MSH4: variants seen among roughly 807,000 people sequenced by gnomAD.
MSH4 encodes mutS protein homolog 4.
A neutral mutation model predicts 113.7 loss-of-function variants in MSH4; 106 were observed. That is an observed-to-expected ratio of 0.93 (90% CI 0.80 to 1.10). MSH4 has a LOEUF of 1.10. Among genes scored for constraint, MSH4 ranks in the 50% least tolerant of loss-of-function variants. MSH4 has a pLI of 0.00. For missense variants in MSH4, 1,061 were observed against 1,093.7 expected, an observed-to-expected ratio of 0.97 and a Z score of 0.42; for synonymous variants, 368 against 380.2, an observed-to-expected ratio of 0.97 and a Z score of 0.37.
At chr1:75,810,412 A>ATTTTTTTTTTTT (rs760146124) in intron 3 of MSH4, among the ~76,000 whole-genome samples, 8 of 104,514 alleles carry the variant, frequency 7.7e-5, no homozygotes, top group East Asian at 2.7e-4. Flanking sequence ...TAATTTTTGT[A>ATTTTTTTTTTTT]TTTTTTTTTT....
At chr1:75,806,441 G>T (rs1650064256) in intron 2 of MSH4, among the ~76,000 whole-genome samples, 1 of 151,704 alleles carries the variant, frequency 6.6e-6, no homozygotes, top group Admixed American at 6.6e-5. Context: ...TAGACATGGG[G>T]TTTCACCGTG....
chr1:75,820,124 T>C (rs1282278625), intron 6 of MSH4, among the ~76,000 whole-genome samples: 1 of 152,204 alleles, frequency 6.6e-6, no homozygotes, highest in Non-Finnish European at 1.5e-5. Context: ...ATTTTAACAA[T>C]ATAAAAGCCC....
intron 8 of MSH4, among the ~76,000 whole-genome samples, chr1:75,865,566 G>A (rs867811106): frequency 3.3e-5 from 5 of 152,184 alleles, no homozygotes; most frequent in Non-Finnish European, 5.9e-5. Context: ...CCAGGAAGTT[G>A]CTAGGTAGGG....
At position 75,822,426 on chromosome 1, in the gene MSH4, T is replaced by G; in HGVS notation, c.1007T>G (p.Phe336Cys). The G allele has an allele frequency of 4.5e-6, 7 of 1,561,702 alleles. No homozygotes were observed. The highest frequency in any genetic ancestry group is 6.0e-6 in the Non-Finnish European group (7 of 1,161,212). ...TTTGAAAGGAATAATCACACTCTCT[T>G]TGGTGTTCTAAATTATACTAAGACT... ...NQDYRNNHTL[F>C]GVLNYTKTPG... Residue 336 changes from phenylalanine to cysteine, a missense_variant, in exon 7 of 20, where the codon TTT becomes TGT. Coordinates refer to ENST00000263187, the MANE Select transcript of MSH4 (RefSeq NM_002440.4).
chr1:75,836,222 GT>G (rs901639829), intron 7 of MSH4, among the ~76,000 whole-genome samples: 5 of 151,734 alleles, frequency 3.3e-5, no homozygotes, highest in African/African-American at 1.2e-4. Context: ...GGTTGGCTTG[GT>G]TTCCCTTCTC....
In MSH4 at chr1:75,872,214, C is replaced by G. The variant is rs185537579; in HGVS notation, c.1305+4626C>G. On this transcript the variant is annotated intron_variant, in intron 9 of 19. Transcript: ENST00000263187. ...ATTCCCACAAAGGGTAACACAATGA[C>G]ACAGCTACAGGTCAGATGTGCCAAT... Among the ~76,000 whole-genome samples, 22 of 152,306 alleles carry G rather than the reference C, an allele frequency of 1.4e-4. No individual in the cohort carries two copies. In the East Asian group the frequency reaches 4.0e-3, roughly 28 times the overall value.
At chr1:75,899,740 TAA>T (rs750190469) in intron 19 of MSH4, 34 bp downstream of exon 19, 239 of 1,236,640 alleles carry the variant, frequency 1.9e-4, no homozygotes, top group South Asian at 1.3e-3. Flanking sequence ...TTCTTCAAAT[TAA>T]AAAAAATACT....
intron 7 of MSH4, among the ~76,000 whole-genome samples, chr1:75,833,822 T>C (rs1288972187): frequency 6.6e-6 from 1 of 152,098 alleles, no homozygotes; most frequent in African/African-American, 2.4e-5. Context: ...ACCTAAAACC[T>C]TAAGAACCCT....
At chr1:75,894,367 T>C (rs1415141123) in intron 17 of MSH4, among the ~76,000 whole-genome samples, 1 of 152,186 alleles carries the variant, frequency 6.6e-6, no homozygotes, top group Non-Finnish European at 1.5e-5. Flanking sequence ...TTGATCTGAA[T>C]AAGCATAAAA....
rs145832359 is a variant in MSH4, at chr1:75,806,914, G to GT, written c.428-59dup. 5.6e-4 allele frequency: 773 copies of GT among 1,389,692 alleles called. 7 individuals carry two copies. In the African/African-American group the frequency reaches 9.1e-3, roughly 16 times the overall value. The allele number at this position is 1,389,692 out of a possible 1,614,324, so 86.1% of individuals were successfully genotyped here. On this transcript the variant is annotated intron_variant, in intron 2 of 19. Coordinates refer to ENST00000263187, the MANE Select transcript of MSH4 (RefSeq NM_002440.4). ...TGTCCTCTTGATTAAGAATTTCCTAGTTTTTTTTAAAAAAAGAAATGATTA... is the reference window on the plus strand; with the variant it reads ...TGTCCTCTTGATTAAGAATTTCCTAGTTTTTTTTTAAAAAAAGAAATGATTA...
At chr1:75,866,246 CAA>C (rs1316747046) in intron 8 of MSH4, among the ~76,000 whole-genome samples, 3 of 152,078 alleles carry the variant, frequency 2.0e-5, no homozygotes, top group Non-Finnish European at 4.4e-5. Flanking sequence ...ACTGCAGGCT[CAA>C]CCTCCTGGGC....
rs142565872 is a variant in MSH4 at position 75,824,804 on chromosome 1, C to T, written c.1162+2223C>T. Among the ~76,000 whole-genome samples, 859 of 151,838 alleles carry T rather than the reference C, an allele frequency of 5.7e-3. 3 individuals carry two copies. The highest frequency in any genetic ancestry group is 8.8e-3 in the Non-Finnish European group (595 of 67,958). Reference sequence around the variant, plus strand: ...TTATTTCTCAGGTCTCTGTTCTGTTCCATTGGTCTATATATCTGTTTTGGT... The same window carrying T: ...TTATTTCTCAGGTCTCTGTTCTGTTTCATTGGTCTATATATCTGTTTTGGT... On this transcript the variant is annotated intron_variant, in intron 7 of 19. Coordinates refer to ENST00000263187, the MANE Select transcript of MSH4 (RefSeq NM_002440.4).
chr1:75,874,520 CTA>C (rs1279462552), intron 9 of MSH4, among the ~76,000 whole-genome samples: 2 of 152,016 alleles, frequency 1.3e-5, no homozygotes, highest in Non-Finnish European at 1.5e-5. Flanking sequence ...AGGGGTCTCG[CTA>C]TGTTACGCAG....
rs1396757067 is a variant in MSH4 at position 75,819,583 on chromosome 1, T to C, written c.990-2826T>C. On this transcript the variant is annotated intron_variant, in intron 6 of 19. Transcript: ENST00000263187. The stretch of plus-strand genomic sequence containing the variant: ...ATGTCCGTCTTATATGCCCAGTGTT[T>C]AGCATAGAGTTTTGAATACCATAAG... 2.0e-5 allele frequency among the ~76,000 whole-genome samples: 3 copies of C among 152,250 alleles called. No individual in the cohort carries two copies. The East Asian group carries it at 5.8e-4, about 29-fold the overall frequency.
chr1:75,822,587 T>G lies in MSH4; in HGVS notation c.1162+6T>G, dbSNP rs373559642. ...ATTTTTTGGACTTCAATCAGGTAAA[T>G]CAATATTATTTAATATTATAAATAC... On this transcript the variant is annotated splice_donor_region_variant and intron_variant, in intron 7 of 19. Coordinates refer to ENST00000263187, the MANE Select transcript of MSH4 (RefSeq NM_002440.4). 3 of 1,383,620 alleles carry G rather than the reference T, an allele frequency of 2.2e-6. No individual in the cohort carries two copies. The highest frequency in any genetic ancestry group is 1.5e-5 in the South Asian group (1 of 66,624). The allele number at this position is 1,383,620 out of a possible 1,614,324, so 85.7% of individuals were successfully genotyped here.
Position 75,880,140 on chromosome 1 carries a change from C to G in MSH4, c.1768C>G (p.His590Asp), listed in dbSNP as rs561375326. Residue 590 changes from histidine (H) to aspartate (D), a missense_variant, in exon 13 of 20, where the codon CAC (histidine) becomes GAC (aspartate). By Grantham distance (81) the His-to-Asp change is moderately conservative (BLOSUM62 -1). Transcript: ENST00000263187. ...CCAAGAATCTTTGAGAGAAATCTAT[C>G]ACATGACTTATATGTAAGAGCATTT... is the stretch of plus-strand genomic sequence containing the variant. Reference protein sequence around the residue: ...RCQESLREIYHMTYMIVCKLL... With the variant: ...RCQESLREIYDMTYMIVCKLL... 1.2e-5 allele frequency: 19 copies of G among 1,544,296 alleles called. No homozygotes were observed. In the Admixed American group the frequency reaches 3.1e-4, roughly 25 times the overall value.
intron 3 of MSH4, among the ~76,000 whole-genome samples, chr1:75,807,727 G>A (rs1035259084): frequency 3.9e-5 from 6 of 152,176 alleles, no homozygotes; most frequent in Non-Finnish European, 7.3e-5. Flanking sequence ...TTAAGTATAG[G>A]TGACAACTTG....
intron 9 of MSH4, among the ~76,000 whole-genome samples, chr1:75,874,891 T>C (rs1423543097): frequency 6.6e-6 from 1 of 152,066 alleles, no homozygotes; most frequent in Non-Finnish European, 1.5e-5. Context: ...TTAAAGTTTG[T>C]ATTTATTTAT....
intron 17 of MSH4, among the ~76,000 whole-genome samples, chr1:75,893,743 A>G (rs76079466): frequency 0.025 from 3,827 of 152,332 alleles, 56 homozygotes; most frequent in Non-Finnish European, 0.029. Flanking sequence ...TCCATGGAAC[A>G]TGCATGGGAA....
Sources: allele counts gnomAD v4.1 joint callset (sites outside exome capture counted in the v4.1 genomes callset), GRCh38; gene constraint gnomAD v4.1.1; transcripts MANE v1.5; gene names NCBI Gene and HGNC (gene_info 2026-07-23, HGNC 2026-07-21).